Variants in SHISA9 observed in about 807,000 individuals in gnomAD.
The protein encoded by SHISA9 is shisa family member 9.
A neutral mutation model predicts 38.0 loss-of-function variants in SHISA9; 13 were observed. The observed-to-expected ratio is 0.34, with a 90% CI of 0.22 to 0.54. SHISA9 has a LOEUF of 0.54. Among genes scored for constraint, SHISA9 ranks in the 20% least tolerant of loss-of-function variants. The probability of loss-of-function intolerance (pLI) is 0.91; values close to 1 mark genes in which losing one functional copy is unlikely to be tolerated. For synonymous variants in SHISA9, 275 were observed against 242.0 expected, an observed-to-expected ratio of 1.14 and a Z score of -1.27; for missense variants, 538 against 575.8, an observed-to-expected ratio of 0.93 and a Z score of 0.67.
At chr16:12,946,825 C>G (rs1256624236) in intron 2 of SHISA9, among the ~76,000 whole-genome samples, 4 of 152,370 alleles carry the variant, frequency 2.6e-5, no homozygotes, top group South Asian at 4.1e-4. Flanking sequence ...CATTGCAGTT[C>G]TCTAGGGCAG....
At chr16:13,515,890 C>A in the SHISA9 span, among the ~76,000 whole-genome samples, 1 of 152,142 alleles carries the variant, frequency 6.6e-6, no homozygotes, top group Non-Finnish European at 1.5e-5. Flanking sequence ...AAATGTCTGG[C>A]ACTGAACTTA....
At chr16:13,423,359 G>T in the SHISA9 span, among the ~76,000 whole-genome samples, 1 of 152,158 alleles carries the variant, frequency 6.6e-6, no homozygotes, top group Admixed American at 6.5e-5. Flanking sequence ...AGGGAGATAA[G>T]TTCAAAGGAA....
At chr16:13,068,674 G>A (rs2073463119) in intron 2 of SHISA9, among the ~76,000 whole-genome samples, 1 of 152,228 alleles carries the variant, frequency 6.6e-6, no homozygotes, top group Non-Finnish European at 1.5e-5. Context: ...CCATTAAGAA[G>A]CCTAGCATCC....
chr16:12,934,587 A>G (rs559273684), intron 2 of SHISA9, among the ~76,000 whole-genome samples: 2 of 152,318 alleles, frequency 1.3e-5, no homozygotes, highest in South Asian at 2.1e-4. Flanking sequence ...GCCCTCCTTA[A>G]TCACTTTCTA....
the SHISA9 span, among the ~76,000 whole-genome samples, chr16:13,468,458 C>G: frequency 6.6e-6 from 1 of 152,168 alleles, no homozygotes; most frequent in Non-Finnish European, 1.5e-5. Context: ...ACAGACTTAT[C>G]CATCCATTTA....
At position 13,213,375 on chromosome 16, in the gene SHISA9, G is replaced by C. The variant is rs376756168; in HGVS notation, c.895+75G>C. 3.6e-6 allele frequency: 5 copies of C among 1,378,412 alleles called. No homozygotes were observed. In the African/African-American group the frequency reaches 5.8e-5, roughly 16 times the overall value. 85.4% of individuals were successfully genotyped at this position (1,378,412 alleles called of 1,614,324 possible). On this transcript the variant is annotated intron_variant, in intron 4 of 4. Coordinates refer to ENST00000558583, the MANE Select transcript of SHISA9 (RefSeq NM_001145204.3). Reference sequence around the variant, plus strand: ...GCATTAAATAATGAAGGGATAGAGAGTCCTGGTGTCTGTGTGACCTGTGCA... The same window carrying C: ...GCATTAAATAATGAAGGGATAGAGACTCCTGGTGTCTGTGTGACCTGTGCA...
intron 2 of SHISA9, among the ~76,000 whole-genome samples, chr16:13,017,991 C>G (rs182151638): frequency 6.6e-6 from 1 of 152,164 alleles, no homozygotes; most frequent in African/African-American, 2.4e-5. Context: ...TAAAAGAGAA[C>G]GTTCTGGACT....
chr16:13,329,197 C>G, the SHISA9 span, among the ~76,000 whole-genome samples: 1 of 152,176 alleles, frequency 6.6e-6, no homozygotes, highest in Admixed American at 6.5e-5. Flanking sequence ...ACAGCCTCCT[C>G]AAGCCTGCCT....
At chr16:13,384,219 G>A in the SHISA9 span, among the ~76,000 whole-genome samples, 3 of 152,160 alleles carry the variant, frequency 2.0e-5, no homozygotes, top group Non-Finnish European at 4.4e-5. Context: ...AACTACATGG[G>A]ATTAGAGGCC....
chr16:13,560,066 G>A, the SHISA9 span, among the ~76,000 whole-genome samples: 1 of 152,212 alleles, frequency 6.6e-6, no homozygotes, highest in Non-Finnish European at 1.5e-5. Flanking sequence ...GGGCAACAGA[G>A]AAGTCCAGAA....
At chr16:13,378,316 T>C in the SHISA9 span, among the ~76,000 whole-genome samples, 1 of 152,216 alleles carries the variant, frequency 6.6e-6, no homozygotes, top group Admixed American at 6.5e-5. Context: ...TCTGTTTTAC[T>C]GTGTGTTGGT....
At chr16:13,231,327 G>C (rs1398604377) in intron 4 of SHISA9, among the ~76,000 whole-genome samples, 1 of 152,214 alleles carries the variant, frequency 6.6e-6, no homozygotes, top group Admixed American at 6.5e-5. Flanking sequence ...TTGAATCCAG[G>C]AGGTAATGAC....
At chr16:13,301,265 C>G in the SHISA9 span, among the ~76,000 whole-genome samples, 10 of 152,290 alleles carry the variant, frequency 6.6e-5, no homozygotes, top group African/African-American at 2.4e-4. Flanking sequence ...CACACTGAGA[C>G]ATCCTATGGT....
intron 2 of SHISA9, among the ~76,000 whole-genome samples, chr16:12,938,480 G>A (rs2071563943): frequency 6.6e-6 from 1 of 151,898 alleles, no homozygotes; most frequent in Non-Finnish European, 1.5e-5. Context: ...GACTCCTAGG[G>A]GCTAATTCTC....
chr16:13,083,722 C>T (rs959224697), intron 2 of SHISA9, among the ~76,000 whole-genome samples: 2 of 152,152 alleles, frequency 1.3e-5, no homozygotes, highest in Non-Finnish European at 2.9e-5. Flanking sequence ...TGTCTATGGG[C>T]TGCTTCAGGG....
At chr16:13,150,900 C>G (rs1328569256) in intron 2 of SHISA9, among the ~76,000 whole-genome samples, 2 of 152,146 alleles carry the variant, frequency 1.3e-5, no homozygotes, top group Non-Finnish European at 2.9e-5. Context: ...CCAAATAATC[C>G]TTCCCTCATT....
At chr16:13,197,846 G>A (rs1479519003) in intron 2 of SHISA9, among the ~76,000 whole-genome samples, 1 of 152,176 alleles carries the variant, frequency 6.6e-6, no homozygotes, top group African/African-American at 2.4e-5. Flanking sequence ...CTGAGAGTGA[G>A]ACATGTTACT....
chr16:13,003,874 T>TAAGAAGAAG (rs1192313594), intron 2 of SHISA9, among the ~76,000 whole-genome samples: 1 of 129,558 alleles, frequency 7.7e-6, no homozygotes, highest in Non-Finnish European at 1.6e-5. Context: ...ATAATAATAA[T>TAAGAAGAAG]AATAATAATA....
intron 2 of SHISA9, among the ~76,000 whole-genome samples, chr16:12,948,706 A>G (rs902359765): frequency 4.6e-5 from 7 of 152,150 alleles, no homozygotes; most frequent in African/African-American, 1.7e-4. Flanking sequence ...TACCCTCATG[A>G]GCTAATCACG....
Sources: gnomAD v4.1 joint callset for allele counts (sites outside exome capture counted in the v4.1 genomes callset) on GRCh38, gnomAD v4.1.1 for gene constraint, MANE v1.5 for transcripts, NCBI Gene and HGNC (gene_info 2026-07-23, HGNC 2026-07-21) for gene names.